The following SGCZ variants were observed in gnomAD, a reference collection of about 807,000 sequenced individuals.
The protein encoded by SGCZ is zeta-sarcoglycan.
A neutral mutation model predicts 41.3 loss-of-function variants in SGCZ; 40 were observed. The observed-to-expected ratio is 0.97, with a 90% CI of 0.75 to 1.26. SGCZ has a LOEUF of 1.26. SGCZ is among the 50% of genes most tolerant of loss of function. The pLI, the probability that SGCZ is intolerant of heterozygous loss-of-function variation, is 0.00. For synonymous variants in SGCZ, 206 were observed against 137.5 expected (o/e 1.50, Z -3.49); for missense variants, 552 against 369.8 (o/e 1.49, Z -4.04).
intron 2 of SGCZ, among the ~76,000 whole-genome samples, chr8:14,424,133 A>G (rs924867010): frequency 1.1e-4 from 17 of 152,304 alleles, no homozygotes; most frequent in East Asian, 9.7e-4. Context: ...TTAAAGTCAA[A>G]TAGGTGTGAA....
chr8:14,343,854 A>G (rs1283430867), intron 2 of SGCZ, among the ~76,000 whole-genome samples: 1 of 152,156 alleles, frequency 6.6e-6, no homozygotes, highest in East Asian at 1.9e-4. Context: ...TTATTCAGAA[A>G]CACCTATCAC....
intron 1 of SGCZ, among the ~76,000 whole-genome samples, chr8:15,165,263 C>G (rs1175880135): frequency 2.0e-5 from 3 of 152,096 alleles, no homozygotes; most frequent in African/African-American, 7.2e-5. Context: ...GCACTCCAGC[C>G]TGGGACAGAG....
At chr8:15,001,428 G>A (rs1802416005) in intron 1 of SGCZ, among the ~76,000 whole-genome samples, 2 of 152,112 alleles carry the variant, frequency 1.3e-5, no homozygotes, top group Admixed American at 6.5e-5. Flanking sequence ...ATTCTAGGGT[G>A]AATTAAAGAG....
intron 1 of SGCZ, among the ~76,000 whole-genome samples, chr8:14,726,649 T>C (rs150742409): frequency 2.6e-5 from 4 of 151,928 alleles, no homozygotes; most frequent in African/African-American, 9.7e-5. Context: ...GTATCAGAAA[T>C]TGGGAGTATA....
rs933199842 is a variant in SGCZ at position 14,087,349 on chromosome 8, GAAT to G, written c.*3091_*3093del. ...AATTGAAATCTTCTGAAAAAGAAAAGAATAATGTGTCCTCTTTGCATCTTTCCT... is the reference window on the plus strand; with the variant it reads ...AATTGAAATCTTCTGAAAAAGAAAAGAATGTGTCCTCTTTGCATCTTTCCT... On this transcript the variant is annotated 3_prime_UTR_variant, in exon 8 of 8. Coordinates refer to ENST00000382080, the MANE Select transcript of SGCZ (RefSeq NM_139167.4). Among the ~76,000 whole-genome samples the G allele has an allele frequency of 6.6e-6, 1 of 151,468 alleles. No homozygotes were observed. Among genetic ancestry groups the G allele is most frequent in the African/African-American group, 2.4e-5 (1 of 41,328 alleles).
In SGCZ at chr8:14,182,255, T is replaced by A. The variant is rs139160782; in HGVS notation, c.425-17553A>T. Among the ~76,000 whole-genome samples, 308 of 152,284 alleles carry A rather than the reference T, an allele frequency of 2.0e-3. 2 individuals are homozygous for A. The highest frequency in any genetic ancestry group is 7.2e-3 in the African/African-American group (301 of 41,552). ...TGCTTAAGGGCATATGTCCACTGATTGAACCCTGAAGGCTGTGCAGTGAGC... is the reference window on the plus strand; with the variant it reads ...TGCTTAAGGGCATATGTCCACTGATAGAACCCTGAAGGCTGTGCAGTGAGC... On this transcript the variant is annotated intron_variant, in intron 4 of 7. Coordinates refer to ENST00000382080, the MANE Select transcript of SGCZ (RefSeq NM_139167.4).
chr8:15,113,222 AC>A (rs1478013488), intron 1 of SGCZ, among the ~76,000 whole-genome samples: 6 of 145,826 alleles, frequency 4.1e-5, no homozygotes, highest in African/African-American at 7.8e-5. Flanking sequence ...AAAAAAAAAA[AC>A]AAAAAGAAAA....
chr8:14,177,940 C>CTTCTTTTCTTTTTAT (rs1804598277), intron 4 of SGCZ, among the ~76,000 whole-genome samples: 1 of 91,498 alleles, frequency 1.1e-5, no homozygotes, highest in Non-Finnish European at 2.0e-5. Flanking sequence ...TTCTTTTTTC[C>CTTCTTTTCTTTTTAT]TTCTTTTCTT....
intron 5 of SGCZ, among the ~76,000 whole-genome samples, chr8:14,109,087 C>T (rs1404931601): frequency 3.9e-5 from 6 of 152,110 alleles, no homozygotes; most frequent in Non-Finnish European, 5.9e-5. Context: ...ACAGTAACCA[C>T]GAAAAGCTAG....
chr8:14,532,579 C>A (rs956326954), intron 2 of SGCZ, among the ~76,000 whole-genome samples: 8 of 151,564 alleles, frequency 5.3e-5, no homozygotes, highest in African/African-American at 2.4e-5. Context: ...GAATAGCATT[C>A]CCTTCCTAGA....
rs150029745 is a variant in SGCZ, at chr8:14,980,219, C to A, written c.39+257366G>T. Among the ~76,000 whole-genome samples the A allele has an allele frequency of 2.8e-3, 423 of 152,188 alleles. 2 individuals carry two copies. Among genetic ancestry groups the A allele is most frequent in the African/African-American group, 9.8e-3 (409 of 41,528 alleles). ...CTTAAAATGAAATGTTTTGGCCTGA[C>A]TGTGCTCTTTCCCTGATCCTAAGGA... On this transcript the variant is annotated intron_variant, in intron 1 of 7. Coordinates refer to ENST00000382080, the MANE Select transcript of SGCZ (RefSeq NM_139167.4).
chr8:14,784,913 A>AAAAAATATATATATATATAT (rs1408574493), intron 1 of SGCZ, among the ~76,000 whole-genome samples: 3 of 88,038 alleles, frequency 3.4e-5, no homozygotes, highest in African/African-American at 1.4e-4. Context: ...AAAAAAAAAA[A>AAAAAATATATATATATATAT]ATATATATAT....
At chr8:14,574,403 T>C (rs938853676) in intron 1 of SGCZ, among the ~76,000 whole-genome samples, 1 of 152,074 alleles carries the variant, frequency 6.6e-6, no homozygotes, top group African/African-American at 2.4e-5. Flanking sequence ...ATAAAGGTAT[T>C]ACTCTAACTT....
At chr8:14,311,569 T>C (rs1277402669) in intron 3 of SGCZ, among the ~76,000 whole-genome samples, 1 of 152,186 alleles carries the variant, frequency 6.6e-6, no homozygotes, top group Non-Finnish European at 1.5e-5. Flanking sequence ...CTACTATTTT[T>C]AGACAATACA....
chr8:14,240,318 ACT>A (rs1798825176), intron 3 of SGCZ, among the ~76,000 whole-genome samples: 1 of 116,414 alleles, frequency 8.6e-6, no homozygotes, highest in South Asian at 3.1e-4. Context: ...ACAGAGCGAA[ACT>A]CTGTGTCAAA....
At chr8:15,023,188 G>A (rs1803320495) in intron 1 of SGCZ, among the ~76,000 whole-genome samples, 1 of 152,122 alleles carries the variant, frequency 6.6e-6, no homozygotes, top group Non-Finnish European at 1.5e-5. Flanking sequence ...AGATTAAATA[G>A]CATCTGAGAG....
chr8:14,184,801 T>C (rs899678665), intron 4 of SGCZ, among the ~76,000 whole-genome samples: 2 of 152,198 alleles, frequency 1.3e-5, no homozygotes, highest in African/African-American at 4.8e-5. Flanking sequence ...TGGATCAGTT[T>C]ACCTGATATT....
Position 14,128,347 on chromosome 8 carries a change from C to T in SGCZ, c.548-20112G>A, listed in dbSNP as rs1278109118. Reference sequence around the variant, plus strand: ...ATCAGAGAAATGCAAATTAAAATCACAATGAGATATCATTTTACACCGTTC... The same window carrying T: ...ATCAGAGAAATGCAAATTAAAATCATAATGAGATATCATTTTACACCGTTC... On this transcript the variant is annotated intron_variant, in intron 5 of 7. Coordinates refer to ENST00000382080, the MANE Select transcript of SGCZ (RefSeq NM_139167.4). Among the ~76,000 whole-genome samples, 3 of 152,284 alleles carry T rather than the reference C, an allele frequency of 2.0e-5. No individual in the cohort carries two copies. In the East Asian group the frequency reaches 5.8e-4, roughly 29 times the overall value.
At chr8:14,917,964 G>A (rs1228265043) in intron 1 of SGCZ, among the ~76,000 whole-genome samples, 1 of 152,024 alleles carries the variant, frequency 6.6e-6, no homozygotes, top group African/African-American at 2.4e-5. Flanking sequence ...TAGGCTAGTT[G>A]CTATTACACC....
Sources: gnomAD v4.1 joint callset for allele counts (sites outside exome capture counted in the v4.1 genomes callset) on GRCh38, gnomAD v4.1.1 for gene constraint, MANE v1.5 for transcripts, NCBI Gene and HGNC (gene_info 2026-07-23, HGNC 2026-07-21) for gene names.